The following GRM3 variants were observed in gnomAD, a reference collection of about 807,000 sequenced individuals.
The protein encoded by GRM3 is metabotropic glutamate receptor 3.
A neutral mutation model predicts 70.5 loss-of-function variants in GRM3; 26 were observed. The ratio of observed to expected loss-of-function variants is 0.37; its 90% CI spans 0.27 to 0.51. The LOEUF is 0.51. GRM3 is among the 20% of genes least tolerant of loss of function. The pLI is 0.93. For missense variants in GRM3, 859 were observed against 1,123.8 expected, an observed-to-expected ratio of 0.76 and a Z score of 3.37; for synonymous variants, 443 against 434.9, an observed-to-expected ratio of 1.02 and a Z score of -0.23.
chr7:86,813,794 A>G (rs2116663587), intron 3 of GRM3, among the ~76,000 whole-genome samples: 1 of 151,824 alleles, frequency 6.6e-6, no homozygotes, highest in East Asian at 1.9e-4. Flanking sequence ...TAAGGAAAAT[A>G]CCTTGGCAAT....
intron 1 of GRM3, among the ~76,000 whole-genome samples, chr7:86,741,254 G>C (rs1341563568): frequency 6.6e-6 from 1 of 152,112 alleles, no homozygotes; most frequent in Non-Finnish European, 1.5e-5. Flanking sequence ...TTTATAGAGG[G>C]GAACTTACAT....
At chr7:86,684,104 G>T (rs1350442285) in intron 1 of GRM3, among the ~76,000 whole-genome samples, 1 of 151,618 alleles carries the variant, frequency 6.6e-6, no homozygotes, top group Admixed American at 6.6e-5. Flanking sequence ...GTCTGAAACT[G>T]TTTCTTACCC....
chr7:86,737,760 A>T (rs575656460), intron 1 of GRM3, among the ~76,000 whole-genome samples: 1 of 152,348 alleles, frequency 6.6e-6, no homozygotes, highest in South Asian at 2.1e-4. Context: ...TAGCCTCTGC[A>T]GGGGCAGAAT....
At chr7:86,863,151 T>C (rs536232344) in intron 5 of GRM3, among the ~76,000 whole-genome samples, 17 of 152,282 alleles carry the variant, frequency 1.1e-4, no homozygotes, top group African/African-American at 4.1e-4. Context: ...CCATAGAGAA[T>C]GGGGCTCCTT....
At chr7:86,660,467 A>C (rs1189968426) in intron 1 of GRM3, among the ~76,000 whole-genome samples, 2 of 152,036 alleles carry the variant, frequency 1.3e-5, no homozygotes, top group African/African-American at 4.8e-5. Context: ...AAAATAATCC[A>C]CCAGCAAAAG....
At chr7:86,670,241 A>G (rs1794136569) in intron 1 of GRM3, among the ~76,000 whole-genome samples, 1 of 152,184 alleles carries the variant, frequency 6.6e-6, no homozygotes, top group South Asian at 2.1e-4. Context: ...CATAGCTCTC[A>G]TCATATTCAC....
chr7:86,799,463 C>A (rs1469606245), intron 3 of GRM3, among the ~76,000 whole-genome samples: 4 of 152,114 alleles, frequency 2.6e-5, no homozygotes, highest in African/African-American at 9.7e-5. Flanking sequence ...TTTGCCCATT[C>A]AGTATGATAT....
At chr7:86,815,042 A>G (rs1455995600) in intron 3 of GRM3, among the ~76,000 whole-genome samples, 1 of 151,570 alleles carries the variant, frequency 6.6e-6, no homozygotes, top group Non-Finnish European at 1.5e-5. Context: ...TCAATTTAGG[A>G]CTTATTACTG....
At chr7:86,757,241 T>C (rs768305443) in intron 1 of GRM3, among the ~76,000 whole-genome samples, 26 of 152,210 alleles carry the variant, frequency 1.7e-4, no homozygotes, top group Non-Finnish European at 3.4e-4. Flanking sequence ...ACTTACATGC[T>C]GGTTATTATA....
At chr7:86,846,753 G>A (rs1798663269) in intron 4 of GRM3, among the ~76,000 whole-genome samples, 1 of 152,158 alleles carries the variant, frequency 6.6e-6, no homozygotes, top group Non-Finnish European at 1.5e-5. Context: ...TGGTCAACAT[G>A]TTTGCTAGTG....
chr7:86,679,602 A>C (rs1008645495), intron 1 of GRM3, among the ~76,000 whole-genome samples: 12 of 148,754 alleles, frequency 8.1e-5, no homozygotes, highest in African/African-American at 2.6e-4. Flanking sequence ...TTTATTATGT[A>C]CATCAGACTA....
At chr7:86,779,237 T>G (rs899717338) in intron 2 of GRM3, among the ~76,000 whole-genome samples, 1 of 152,140 alleles carries the variant, frequency 6.6e-6, no homozygotes, top group Non-Finnish European at 1.5e-5. Context: ...GTGGTGTGAG[T>G]TGATTCCTGA....
At chr7:86,800,209 C>A (rs185144618) in intron 3 of GRM3, among the ~76,000 whole-genome samples, 1 of 152,246 alleles carries the variant, frequency 6.6e-6, no homozygotes, top group Non-Finnish European at 1.5e-5. Context: ...CAAATCAACA[C>A]CCTAACATTG....
chr7:86,736,925 C>T (rs1006877807), intron 1 of GRM3, among the ~76,000 whole-genome samples: 1 of 151,940 alleles, frequency 6.6e-6, no homozygotes, highest in African/African-American at 2.4e-5. Flanking sequence ...TAACCCATAT[C>T]TAATGAGATT....
chr7:86,747,364 A>T (rs1344268774), intron 1 of GRM3, among the ~76,000 whole-genome samples: 1 of 152,118 alleles, frequency 6.6e-6, no homozygotes, highest in Non-Finnish European at 1.5e-5. Flanking sequence ...TTTTCAGAGA[A>T]AATTGATGAG....
chr7:86,850,226 AT>A (rs1798730691), intron 4 of GRM3, 143 bp from the exon 5 acceptor site: 1 of 591,374 alleles, frequency 1.7e-6, no homozygotes. Flanking sequence ...ATTCAATATA[AT>A]TACTGTATTG....
At chr7:86,706,726 A>G (rs1795066670) in intron 1 of GRM3, among the ~76,000 whole-genome samples, 2 of 152,070 alleles carry the variant, frequency 1.3e-5, no homozygotes, top group African/African-American at 4.8e-5. Context: ...ATCTTGAACT[A>G]GGAACACTGA....
intron 2 of GRM3, among the ~76,000 whole-genome samples, chr7:86,777,723 T>A (rs1796931672): frequency 6.6e-6 from 1 of 152,282 alleles, no homozygotes; most frequent in South Asian, 2.1e-4. Context: ...AATAACAATA[T>A]GATTGGACTC....
chr7:86,718,128 G>A (rs890621962), intron 1 of GRM3, among the ~76,000 whole-genome samples: 1 of 151,858 alleles, frequency 6.6e-6, no homozygotes, highest in Admixed American at 6.6e-5. Flanking sequence ...TTATTAGCAG[G>A]GTTTTATAAA....
Sources: gnomAD v4.1 joint callset for allele counts (sites outside exome capture counted in the v4.1 genomes callset) on GRCh38, gnomAD v4.1.1 for gene constraint, MANE v1.5 for transcripts, NCBI Gene and HGNC (gene_info 2026-07-23, HGNC 2026-07-21) for gene names.